RGS7: variants seen among roughly 807,000 people sequenced by gnomAD.
RGS7 encodes the protein regulator of G-protein signaling 7.
A neutral mutation model predicts 81.1 loss-of-function variants in RGS7; 27 were observed. The ratio of observed to expected loss-of-function variants is 0.33; its 90% CI spans 0.25 to 0.46. RGS7 has a LOEUF of 0.46. Ranked by LOEUF, RGS7 falls within the 20% of genes least tolerant of loss-of-function variation. RGS7 has a pLI of 1.00. For missense variants in RGS7, 396 were observed against 607.4 expected (o/e 0.65, Z 3.66); for synonymous variants, 208 against 207.7 (o/e 1.00, Z -0.01).
At chr1:240,837,246 C>G (rs928194979) in intron 9 of RGS7, among the ~76,000 whole-genome samples, 1 of 152,184 alleles carries the variant, frequency 6.6e-6, no homozygotes, top group East Asian at 1.9e-4. Flanking sequence ...GGCAAGTAAG[C>G]GTGGACACTT....
At chr1:240,932,916 CT>C (rs1675807048) in intron 5 of RGS7, among the ~76,000 whole-genome samples, 1 of 116,012 alleles carries the variant, frequency 8.6e-6, no homozygotes, top group Admixed American at 1.1e-4. Flanking sequence ...CAGAGTCTCG[CT>C]CTGTCGCCCA....
intron 2 of RGS7, among the ~76,000 whole-genome samples, chr1:241,221,454 A>G (rs1215212975): frequency 6.6e-6 from 1 of 152,230 alleles, no homozygotes; most frequent in Non-Finnish European, 1.5e-5. Context: ...CGTGACTGAG[A>G]ATAGTCAGTG....
intron 2 of RGS7, among the ~76,000 whole-genome samples, chr1:241,313,384 T>C (rs1011906898): frequency 6.6e-6 from 1 of 152,220 alleles, no homozygotes; most frequent in South Asian, 2.1e-4. Context: ...TGGTAGAGGC[T>C]AATGCCGCTG....
At chr1:240,825,671 G>T (rs1692673783) in intron 10 of RGS7, among the ~76,000 whole-genome samples, 1 of 152,096 alleles carries the variant, frequency 6.6e-6, no homozygotes, top group Non-Finnish European at 1.5e-5. Context: ...ATTTCACCTT[G>T]CAATGCCTCA....
chr1:240,910,822 G>T (rs261830), intron 6 of RGS7, among the ~76,000 whole-genome samples: 72,866 of 151,740 alleles, frequency 0.48, 18,848 homozygotes, highest in Middle Eastern at 0.63. Context: ...GGTTCAAGGG[G>T]ATTCTCATGC....
rs530836946 is a variant in RGS7, at chr1:241,290,489, C to T, written c.78+65210G>A. Among the ~76,000 whole-genome samples, 34 of 152,244 alleles carry T rather than the reference C, an allele frequency of 2.2e-4. No individual in the cohort carries two copies. In the South Asian group the frequency reaches 3.1e-3, roughly 14 times the overall value. ...CTCAGAGTACAAAATAAAAATCATT[C>T]GTTTCATTTTTCTTTATGCTAAGTA... On this transcript the variant is annotated intron_variant, in intron 2 of 18. Coordinates refer to ENST00000440928, the MANE Select transcript of RGS7 (RefSeq NM_001364886.1).
chr1:241,108,486 C>T (rs1028803483), intron 2 of RGS7, among the ~76,000 whole-genome samples: 5 of 152,048 alleles, frequency 3.3e-5, no homozygotes, highest in Admixed American at 6.6e-5. Context: ...TAAGTATTTG[C>T]CCCGAGGTAG....
chr1:240,860,740 C>G (rs763723801), intron 9 of RGS7, among the ~76,000 whole-genome samples: 3 of 152,136 alleles, frequency 2.0e-5, no homozygotes, highest in African/African-American at 7.2e-5. Flanking sequence ...TCTATGCCTT[C>G]CTCTAACAAA....
intron 6 of RGS7, among the ~76,000 whole-genome samples, chr1:240,874,666 A>G (rs1310604793): frequency 6.6e-6 from 1 of 152,204 alleles, no homozygotes; most frequent in Non-Finnish European, 1.5e-5. Flanking sequence ...TATAGGTTAT[A>G]CGCTTTGCTA....
chr1:240,946,419 A>G (rs966337096), intron 4 of RGS7, among the ~76,000 whole-genome samples: 3 of 152,252 alleles, frequency 2.0e-5, no homozygotes, highest in Admixed American at 1.3e-4. Flanking sequence ...CCTGGACATC[A>G]TAGTGAGACT....
At chr1:241,277,958 G>A (rs1316357868) in intron 2 of RGS7, among the ~76,000 whole-genome samples, 4 of 152,122 alleles carry the variant, frequency 2.6e-5, no homozygotes, top group Non-Finnish European at 5.9e-5. Flanking sequence ...TTCAGGAATA[G>A]CAAATATCTG....
intron 6 of RGS7, among the ~76,000 whole-genome samples, chr1:240,905,291 G>C (rs1414477804): frequency 6.6e-6 from 1 of 152,158 alleles, no homozygotes; most frequent in Admixed American, 6.5e-5. Flanking sequence ...TTGTTAACAT[G>C]ATATATGTCA....
At chr1:240,778,839 A>C (rs1659789499) in intron 18 of RGS7, among the ~76,000 whole-genome samples, 1 of 151,926 alleles carries the variant, frequency 6.6e-6, no homozygotes, top group Admixed American at 6.6e-5. Context: ...GCTGATATCA[A>C]AGTTTAATGC....
intron 9 of RGS7, among the ~76,000 whole-genome samples, chr1:240,830,121 C>G (rs1693580278): frequency 6.6e-6 from 1 of 152,188 alleles, no homozygotes; most frequent in African/African-American, 2.4e-5. Flanking sequence ...TCCGAGCCAA[C>G]ATGAATTTTA....
chr1:241,006,425 T>TA (rs1292340420), intron 3 of RGS7, among the ~76,000 whole-genome samples: 2 of 152,090 alleles, frequency 1.3e-5, no homozygotes, highest in Admixed American at 6.6e-5. Flanking sequence ...TTTTTCATAT[T>TA]AAAAAAATGT....
intron 6 of RGS7, among the ~76,000 whole-genome samples, chr1:240,874,689 G>A (rs1305873637): frequency 1.3e-5 from 2 of 152,124 alleles, no homozygotes; most frequent in African/African-American, 4.8e-5. Flanking sequence ...ACTAAATCAA[G>A]CTAATTAACA....
At chr1:240,954,674 C>G (rs558406335) in intron 4 of RGS7, among the ~76,000 whole-genome samples, 235 of 152,252 alleles carry the variant, frequency 1.5e-3, no homozygotes, top group Admixed American at 4.2e-3. Flanking sequence ...GACAGTTTCT[C>G]TCTAACATCA....
intron 10 of RGS7, among the ~76,000 whole-genome samples, chr1:240,820,083 A>G (rs958846098): frequency 4.6e-5 from 7 of 152,228 alleles, no homozygotes; most frequent in African/African-American, 1.4e-4. Flanking sequence ...ATTATTTGCA[A>G]TGTAAAAGGC....
chr1:241,303,795 T>A (rs1226970195), intron 2 of RGS7, among the ~76,000 whole-genome samples: 1 of 152,222 alleles, frequency 6.6e-6, no homozygotes, highest in East Asian at 1.9e-4. Flanking sequence ...GCTAATTGTA[T>A]GCCTATGGTT....
Sources: gnomAD v4.1 joint callset for allele counts (sites outside exome capture counted in the v4.1 genomes callset) on GRCh38, gnomAD v4.1.1 for gene constraint, MANE v1.5 for transcripts, NCBI Gene and HGNC (gene_info 2026-07-23, HGNC 2026-07-21) for gene names.